Variants in RBFOX1 observed in about 807,000 individuals in gnomAD.
The protein encoded by RBFOX1 is RNA binding fox-1 homolog 1.
Under a neutral mutation model 57.7 loss-of-function variants are expected in RBFOX1, and 8 were observed. That is an observed-to-expected ratio of 0.14 (90% CI 0.08 to 0.25). The LOEUF (loss-of-function observed/expected upper bound fraction) is 0.25. Ranked by LOEUF, RBFOX1 falls within the 10% of genes least tolerant of loss-of-function variation. The probability of loss-of-function intolerance (pLI) is 1.00; values close to 1 mark genes in which losing one functional copy is unlikely to be tolerated. For missense variants in RBFOX1, 611 were observed against 548.5 expected (o/e 1.11, Z -1.14); for synonymous variants, 326 against 222.4 (o/e 1.47, Z -4.15).
At chr16:7,014,300 C>A (rs1176040485) in intron 3 of RBFOX1, among the ~76,000 whole-genome samples, 1 of 151,802 alleles carries the variant, frequency 6.6e-6, no homozygotes, top group South Asian at 2.1e-4. Context: ...ACAATGTTAG[C>A]CTCCTGGGTT....
At chr16:5,360,011 G>A (rs79729348) in intron 1 of RBFOX1, among the ~76,000 whole-genome samples, 4,371 of 152,270 alleles carry the variant, frequency 0.029, 95 homozygotes, top group Middle Eastern at 0.071. Flanking sequence ...TACATTGAAG[G>A]TTAGTAAGAT....
chr16:5,959,468 GA>G (rs2059708150), intron 4 of RBFOX1, among the ~76,000 whole-genome samples: 2 of 152,192 alleles, frequency 1.3e-5, no homozygotes, highest in Admixed American at 1.3e-4. Flanking sequence ...AACATACAAT[GA>G]CAGGGGTGTT....
chr16:6,384,032 C>T (rs1308246840), intron 2 of RBFOX1, among the ~76,000 whole-genome samples: 5 of 150,914 alleles, frequency 3.3e-5, no homozygotes, highest in Admixed American at 2.6e-4. Context: ...TCTGTTTCAC[C>T]ACCATTCATC....
intron 1 of RBFOX1, among the ~76,000 whole-genome samples, chr16:5,303,068 T>G (rs1383562968): frequency 6.6e-6 from 1 of 152,224 alleles, no homozygotes; most frequent in Admixed American, 6.5e-5. Flanking sequence ...TTGTGTGTGC[T>G]TTTTTGGGGT....
intron 3 of RBFOX1, among the ~76,000 whole-genome samples, chr16:7,018,903 G>A (rs1391777738): frequency 6.6e-6 from 1 of 152,230 alleles, no homozygotes; most frequent in East Asian, 1.9e-4. Flanking sequence ...AGGATCTCTT[G>A]AGCTCAGGAG....
At chr16:5,285,229 A>T (rs996421033) in intron 1 of RBFOX1, among the ~76,000 whole-genome samples, 2 of 152,076 alleles carry the variant, frequency 1.3e-5, no homozygotes, top group African/African-American at 4.8e-5. Context: ...TGCTTGATCT[A>T]GTCTATTGTT....
At chr16:6,749,701 C>G (rs1234188114) in intron 3 of RBFOX1, among the ~76,000 whole-genome samples, 1 of 152,040 alleles carries the variant, frequency 6.6e-6, no homozygotes, top group Non-Finnish European at 1.5e-5. Flanking sequence ...AATAATAAGC[C>G]CAAAGAATTG....
At chr16:7,188,794 G>A (rs988077028) in intron 4 of RBFOX1, among the ~76,000 whole-genome samples, 5 of 152,176 alleles carry the variant, frequency 3.3e-5, no homozygotes, top group Admixed American at 3.3e-4. Context: ...TATAGGGCAT[G>A]CTACGAAGGA....
intron 4 of RBFOX1, among the ~76,000 whole-genome samples, chr16:7,192,777 C>G (rs773285694): frequency 3.3e-5 from 5 of 152,108 alleles, no homozygotes; most frequent in Admixed American, 2.0e-4. Flanking sequence ...TTCTGTGAGT[C>G]TAAAAGCATT....
At chr16:6,205,415 T>C (rs10500334) in intron 1 of RBFOX1, among the ~76,000 whole-genome samples, 41,647 of 152,166 alleles carry the variant, frequency 0.27, 6,432 homozygotes, top group East Asian at 0.47. Context: ...AAGTAATTAA[T>C]GGCATTTTTT....
intron 3 of RBFOX1, among the ~76,000 whole-genome samples, chr16:5,637,185 A>C (rs1250564871): frequency 2.0e-5 from 3 of 152,238 alleles, no homozygotes; most frequent in Admixed American, 6.5e-5. Context: ...GCAGCAGCTG[A>C]CATGCCGCTG....
At chr16:5,534,458 T>C (rs1282380010) in intron 2 of RBFOX1, among the ~76,000 whole-genome samples, 1 of 152,118 alleles carries the variant, frequency 6.6e-6, no homozygotes, top group Admixed American at 6.5e-5. Context: ...CAGTCTGTGG[T>C]GGAAGGTGCG....
chr16:6,259,815 G>C (rs1176893642), intron 1 of RBFOX1, among the ~76,000 whole-genome samples: 1 of 151,926 alleles, frequency 6.6e-6, no homozygotes, highest in Non-Finnish European at 1.5e-5. Context: ...AAAAAAAGTA[G>C]CCAGGCCTGG....
chr16:6,186,635 A>C (rs1236187293), intron 1 of RBFOX1, among the ~76,000 whole-genome samples: 2 of 152,110 alleles, frequency 1.3e-5, no homozygotes, highest in East Asian at 3.9e-4. Context: ...CATAGGCTGT[A>C]TTTGGATGGA....
At chr16:7,558,738 G>A (rs1198884251) in intron 5 of RBFOX1, among the ~76,000 whole-genome samples, 2 of 152,162 alleles carry the variant, frequency 1.3e-5, no homozygotes, top group Admixed American at 6.5e-5. Context: ...CTGGAGCCCT[G>A]GAATGTGCAT....
rs1596339293 is a variant in RBFOX1 at position 5,982,331 on chromosome 16, T to A, written c.351+114996T>A. 3.9e-5 allele frequency among the ~76,000 whole-genome samples: 6 copies of A among 152,176 alleles called. No individual in the cohort carries two copies. The Middle Eastern group carries it at 0.017, about 431-fold the overall frequency. On this transcript the variant is annotated intron_variant, in intron 4 of 19. Transcript: ENST00000641259. Reference sequence around the variant, plus strand: ...CTCTGTTGCACAGGCTGGAGTGCAGTGGTTTGATCTGGGCTCACTGCAACC... The same window carrying A: ...CTCTGTTGCACAGGCTGGAGTGCAGAGGTTTGATCTGGGCTCACTGCAACC...
chr16:5,842,252 A>T (rs902305920), intron 3 of RBFOX1, among the ~76,000 whole-genome samples: 2 of 152,114 alleles, frequency 1.3e-5, no homozygotes, highest in Non-Finnish European at 2.9e-5. Context: ...TCCTAGTGAG[A>T]TGCAGGAGAT....
chr16:6,772,620 T>C (rs1255601892), intron 3 of RBFOX1, among the ~76,000 whole-genome samples: 1 of 150,110 alleles, frequency 6.7e-6, no homozygotes, highest in Non-Finnish European at 1.5e-5. Context: ...AGTGTATGTG[T>C]ATGTGTGAGT....
intron 3 of RBFOX1, among the ~76,000 whole-genome samples, chr16:5,639,958 C>T (rs1276350849): frequency 6.6e-6 from 1 of 152,158 alleles, no homozygotes; most frequent in African/African-American, 2.4e-5. Context: ...TTTTCTCTGC[C>T]CAGAGCCTTG....
Sources: allele counts gnomAD v4.1 joint callset (sites outside exome capture counted in the v4.1 genomes callset), GRCh38; gene constraint gnomAD v4.1.1; transcripts MANE v1.5; gene names NCBI Gene and HGNC (gene_info 2026-07-23, HGNC 2026-07-21).